The following DLGAP2 variants were observed in gnomAD, a reference collection of about 807,000 sequenced individuals.
DLGAP2 encodes disks large-associated protein 2.
A neutral mutation model predicts 100.3 loss-of-function variants in DLGAP2; 26 were observed. That is an observed-to-expected ratio of 0.26 (90% confidence interval 0.19 to 0.36). The LOEUF (loss-of-function observed/expected upper bound fraction) is 0.36, where lower values mean the gene tolerates loss of function less well. Among genes scored for constraint, DLGAP2 ranks in the 10% least tolerant of loss-of-function variants. DLGAP2 has a pLI of 1.00. For synonymous variants in DLGAP2, 886 were observed against 630.1 expected (o/e 1.41, Z -6.08); for missense variants, 1,858 against 1,453.2 (o/e 1.28, Z -4.53).
At chr8:1,564,686 A>G (rs1401194504) in intron 5 of DLGAP2, among the ~76,000 whole-genome samples, 1 of 152,262 alleles carries the variant, frequency 6.6e-6, no homozygotes, top group African/African-American at 2.4e-5. Context: ...ACGGGTGCTG[A>G]GTTCTATACC....
At chr8:874,209 T>C (rs1797648952) in intron 1 of DLGAP2, among the ~76,000 whole-genome samples, 1 of 152,070 alleles carries the variant, frequency 6.6e-6, no homozygotes, top group Non-Finnish European at 1.5e-5. Context: ...TTAGTTTCTG[T>C]TTTAATATTA....
intron 1 of DLGAP2, among the ~76,000 whole-genome samples, chr8:791,687 T>G (rs1229995643): frequency 6.6e-6 from 1 of 152,248 alleles, no homozygotes; most frequent in African/African-American, 2.4e-5. Context: ...TTGATTAATT[T>G]TAAAATTCCT....
At chr8:753,938 G>C (rs1325881862) in intron 1 of DLGAP2, 2 of 152,208 alleles carry the variant, frequency 1.3e-5, no homozygotes, top group South Asian at 2.1e-4. Context: ...GCCCCACCAC[G>C]GGCCGACCCT....
chr8:1,171,126 C>T (rs1267704758), intron 2 of DLGAP2, among the ~76,000 whole-genome samples: 4 of 152,142 alleles, frequency 2.6e-5, no homozygotes, highest in Non-Finnish European at 5.9e-5. Flanking sequence ...TTTCTGCCTT[C>T]ATTTCGTTAT....
chr8:810,046 C>G (rs1166538505), intron 1 of DLGAP2, among the ~76,000 whole-genome samples: 1 of 152,206 alleles, frequency 6.6e-6, no homozygotes, highest in Non-Finnish European at 1.5e-5. Flanking sequence ...GGGCTCAGCC[C>G]ATCAGCACGA....
At chr8:1,316,394 T>G (rs398047527) in intron 3 of DLGAP2, among the ~76,000 whole-genome samples, 15 of 112,434 alleles carry the variant, frequency 1.3e-4, no homozygotes, top group Non-Finnish European at 1.8e-4. Flanking sequence ...ACTTGGCAGC[T>G]TTTAAAAATA....
chr8:1,526,444 A>G (rs1048722856), intron 4 of DLGAP2, among the ~76,000 whole-genome samples: 6 of 151,990 alleles, frequency 3.9e-5, no homozygotes, highest in South Asian at 2.1e-4. Flanking sequence ...GACTCATTCA[A>G]CTTAGACTCC....
chr8:1,024,541 G>A (rs1322515498), intron 2 of DLGAP2, among the ~76,000 whole-genome samples: 2 of 152,194 alleles, frequency 1.3e-5, no homozygotes, highest in Admixed American at 1.3e-4. Context: ...AGCAGCTTGG[G>A]GGCGGCTCTT....
intron 2 of DLGAP2, among the ~76,000 whole-genome samples, chr8:1,025,031 CT>C (rs147920618): frequency 0.014 from 2,126 of 152,218 alleles, 54 homozygotes; most frequent in African/African-American, 0.048. Context: ...CTGCTCCCCC[CT>C]CTCCTGTGTG....
At chr8:1,292,891 C>T (rs753275270) in intron 3 of DLGAP2, among the ~76,000 whole-genome samples, 1 of 152,162 alleles carries the variant, frequency 6.6e-6, no homozygotes. Context: ...CCACCCCGTG[C>T]GTGGGTCAGG....
At chr8:1,456,942 A>G (rs1471010620) in intron 3 of DLGAP2, among the ~76,000 whole-genome samples, 2 of 152,190 alleles carry the variant, frequency 1.3e-5, no homozygotes, top group Admixed American at 1.3e-4. Flanking sequence ...TCTCAGTGAC[A>G]ACACATCACA....
chr8:825,436 C>T (rs562981007), intron 1 of DLGAP2, among the ~76,000 whole-genome samples: 3 of 152,174 alleles, frequency 2.0e-5, no homozygotes, highest in Non-Finnish European at 4.4e-5. Context: ...CGGAGGCAGC[C>T]GCACTTCCTT....
chr8:1,164,913 C>G (rs558536579), intron 2 of DLGAP2, among the ~76,000 whole-genome samples: 3 of 152,084 alleles, frequency 2.0e-5, no homozygotes, highest in Non-Finnish European at 4.4e-5. Flanking sequence ...AAAACACATG[C>G]AAGATGCAAT....
At chr8:1,528,988 C>A (rs931264131) in intron 4 of DLGAP2, among the ~76,000 whole-genome samples, 6 of 152,224 alleles carry the variant, frequency 3.9e-5, no homozygotes, top group African/African-American at 7.2e-5. Context: ...TGATATTTAA[C>A]CTTCCTCATG....
At chr8:1,482,192 G>T (rs988301738) in intron 3 of DLGAP2, among the ~76,000 whole-genome samples, 1 of 152,208 alleles carries the variant, frequency 6.6e-6, no homozygotes. Flanking sequence ...AGAACGTGTG[G>T]GTTTTAAGGA....
At chr8:947,077 A>G (rs1799344623) in intron 2 of DLGAP2, among the ~76,000 whole-genome samples, 1 of 152,200 alleles carries the variant, frequency 6.6e-6, no homozygotes, top group South Asian at 2.1e-4. Flanking sequence ...GAGACTTTCT[A>G]GTTCCCTCTG....
intron 2 of DLGAP2, among the ~76,000 whole-genome samples, chr8:930,204 C>T (rs1259743582): frequency 2.0e-5 from 3 of 152,182 alleles, no homozygotes; most frequent in African/African-American, 7.2e-5. Flanking sequence ...CAGCCCCTTG[C>T]CTTCCTGGAG....
chr8:799,670 C>G (rs995679566), intron 1 of DLGAP2, among the ~76,000 whole-genome samples: 1 of 152,164 alleles, frequency 6.6e-6, no homozygotes, highest in Non-Finnish European at 1.5e-5. Context: ...AAACACAGCT[C>G]ACTGCAGCCT....
intron 2 of DLGAP2, among the ~76,000 whole-genome samples, chr8:1,253,577 G>A (rs894696156): frequency 2.6e-5 from 4 of 152,210 alleles, no homozygotes; most frequent in Non-Finnish European, 5.9e-5. Context: ...GGCACCTTGT[G>A]CCAGAAAACA....
Sources: allele counts gnomAD v4.1 joint callset (sites outside exome capture counted in the v4.1 genomes callset), GRCh38; gene constraint gnomAD v4.1.1; transcripts MANE v1.5; gene names NCBI Gene and HGNC (gene_info 2026-07-23, HGNC 2026-07-21).